The following TMEM143 variants were observed in gnomAD, a reference collection of about 807,000 sequenced individuals.
The protein encoded by TMEM143 is transmembrane protein 143.
In TMEM143, 45 loss-of-function variants were observed where a neutral mutation model predicts 40.3. The observed-to-expected ratio is 1.12, with a 90% CI of 0.88 to 1.43. The LOEUF is 1.43. TMEM143 is among the 40% of genes most tolerant of loss of function. The pLI is 0.00. For missense variants in TMEM143, 620 were observed against 613.4 expected, an observed-to-expected ratio of 1.01 and a Z score of -0.11; for synonymous variants, 299 against 282.7, an observed-to-expected ratio of 1.06 and a Z score of -0.58.
intron 6 of TMEM143, among the ~76,000 whole-genome samples, chr19:48,335,899 A>C (rs1324283437): frequency 6.6e-6 from 1 of 152,082 alleles, no homozygotes; most frequent in East Asian, 1.9e-4. Context: ...GTCTCAAAAA[A>C]AGAAAAAAGT....
intron 3 of TMEM143, among the ~76,000 whole-genome samples, chr19:48,347,574 T>TTTTA (rs1195271588): frequency 7.0e-6 from 1 of 142,856 alleles, no homozygotes; most frequent in Non-Finnish European, 1.5e-5. Context: ...TTTTTTTTTT[T>TTTTA]GAGACAGAGT....
At chr19:48,352,884 T>C (rs1212513526) in intron 3 of TMEM143, among the ~76,000 whole-genome samples, 1 of 152,112 alleles carries the variant, frequency 6.6e-6, no homozygotes, top group Non-Finnish European at 1.5e-5. Flanking sequence ...CCCAAAGTGT[T>C]AGAGTTACAG....
At position 48,342,526 on chromosome 19, in the gene TMEM143, T is replaced by C; in HGVS notation, c.975+4A>G. 6.2e-7 allele frequency: 1 copy of C among 1,602,250 alleles called. No homozygotes were observed. Among genetic ancestry groups the C allele is most frequent in the Non-Finnish European group, 8.5e-7 (1 of 1,176,046 alleles). On this transcript the variant is annotated splice_donor_region_variant and intron_variant, in intron 6 of 7. Transcript: ENST00000293261. ...CGCAGGAGGCGTGGCAGGCGCATGCTCACCTTGGAGGCCCGCAGGCCCATG... is the reference window on the plus strand; with the variant it reads ...CGCAGGAGGCGTGGCAGGCGCATGCCCACCTTGGAGGCCCGCAGGCCCATG...
chr19:48,357,634 G>A (rs1427539187), intron 3 of TMEM143, among the ~76,000 whole-genome samples: 1 of 152,040 alleles, frequency 6.6e-6, no homozygotes, highest in Non-Finnish European at 1.5e-5. Flanking sequence ...GGGATTACAG[G>A]CATGAGCCAC....
intron 3 of TMEM143, among the ~76,000 whole-genome samples, chr19:48,355,283 G>A (rs571841830): frequency 3.5e-4 from 53 of 151,966 alleles, no homozygotes; most frequent in South Asian, 4.2e-4. Flanking sequence ...CGCCTACCTC[G>A]GCCTCCCAAA....
chr19:48,355,110 G>GGGTTCAAGTGATTCTCAT (rs1969857356), intron 3 of TMEM143, among the ~76,000 whole-genome samples: 1 of 151,698 alleles, frequency 6.6e-6, no homozygotes, highest in South Asian at 2.1e-4. Flanking sequence ...TCCACCTCCC[G>GGGTTCAAGTGATTCTCAT]GGTTCAAGTG....
At chr19:48,334,297 C>CT in intron 6 of TMEM143, 100 bp from the exon 7 acceptor site, 1 of 1,336,000 alleles carries the variant, frequency 7.5e-7, no homozygotes. Flanking sequence ...ACGCCGCTTA[C>CT]TCCCCTGAGG....
chr19:48,349,631 G>A (rs1327017836), intron 3 of TMEM143, among the ~76,000 whole-genome samples: 1 of 151,982 alleles, frequency 6.6e-6, no homozygotes, highest in Admixed American at 6.6e-5. Context: ...GGACAACAGA[G>A]TGTGTCAGTG....
chr19:48,333,285 T>C lies in TMEM143; in HGVS notation c.1314A>G (p.Lys438=). The C allele has an allele frequency of 6.4e-7, 1 of 1,568,944 alleles. No homozygotes were observed. The highest frequency in any genetic ancestry group is 1.2e-5 in the South Asian group (1 of 86,830). ...MGLYPPPGFP[K]LDPVAPITSE... Reference sequence around the variant, plus strand: ...AAGTGATCGGAGCCACTGGGTCTAGTTTGGGGAAACCCGGGGGTGGGTACA... The same window carrying C: ...AAGTGATCGGAGCCACTGGGTCTAGCTTGGGGAAACCCGGGGGTGGGTACA... Residue 438 remains lysine (K), a synonymous_variant, in exon 8 of 8, where the codon AAA becomes AAG. Transcript: ENST00000293261. The surrounding 1 kb of genome is among the most constrained non-coding windows in gnomAD (Gnocchi z 4.1).
At chr19:48,343,277 C>G in intron 5 of TMEM143, 44 bp downstream of exon 5, 2 of 1,593,554 alleles carry the variant, frequency 1.3e-6, no homozygotes, top group Admixed American at 3.4e-5. Flanking sequence ...TTGACTCTAA[C>G]CTTGCTCCCT....
At chr19:48,335,808 C>T (rs1187872271) in intron 6 of TMEM143, among the ~76,000 whole-genome samples, 1 of 152,098 alleles carries the variant, frequency 6.6e-6, no homozygotes, top group Non-Finnish European at 1.5e-5. Context: ...GCAGGAGAAT[C>T]ACCTGAACCC....
Position 48,351,699 on chromosome 19 carries a change from G to A in TMEM143, c.370-6345C>T, listed in dbSNP as rs113389532. Reference sequence around the variant, plus strand: ...CACTGCTGCCCCAGGGCCTTTGCACGTGGAGTTCCCTCACATCTCCATAGG... The same window carrying A: ...CACTGCTGCCCCAGGGCCTTTGCACATGGAGTTCCCTCACATCTCCATAGG... On this transcript the variant is annotated intron_variant, in intron 3 of 7. Transcript: ENST00000293261. 9.5e-3 allele frequency among the ~76,000 whole-genome samples: 1,449 copies of A among 152,088 alleles called. 33 individuals are homozygous for A. Among genetic ancestry groups the A allele is most frequent in the African/African-American group, 0.033 (1,373 of 41,480 alleles).
At chr19:48,358,947 T>A (rs1303596984) in intron 3 of TMEM143, among the ~76,000 whole-genome samples, 4 of 152,136 alleles carry the variant, frequency 2.6e-5, no homozygotes, top group Non-Finnish European at 5.9e-5. Flanking sequence ...GGCGGGTGGA[T>A]CACTTGAGGT....
intron 3 of TMEM143, among the ~76,000 whole-genome samples, chr19:48,346,640 T>C (rs1349185656): frequency 6.6e-6 from 1 of 151,754 alleles, no homozygotes; most frequent in Non-Finnish European, 1.5e-5. Context: ...TGCAATGGCA[T>C]GATCTCAGCT....
chr19:48,333,500 G>A lies in TMEM143; in HGVS notation c.1166-67C>T. 1.7e-6 allele frequency: 2 copies of A among 1,153,446 alleles called. No individual in the cohort carries two copies. Among genetic ancestry groups the A allele is most frequent in the South Asian group, 2.8e-5 (2 of 70,596 alleles). 71.5% of individuals were successfully genotyped at this position (1,153,446 alleles called of 1,614,324 possible). On this transcript the variant is annotated intron_variant, in intron 7 of 7. Coordinates refer to ENST00000293261, the MANE Select transcript of TMEM143 (RefSeq NM_018273.4). This position sits in a 1 kb window ranked among gnomAD's most constrained non-coding sequence, Gnocchi z 4.1. ...CGGGGAAGATTCGAGGGAGCAGCAA[G>A]GAGGGGCGTAGGGCAAAGAACAGGA...
Position 48,333,155 on chromosome 19 carries a change from C to G in TMEM143, c.*64G>C. 8.0e-7 allele frequency: 1 copy of G among 1,246,104 alleles called. No homozygotes were observed. 77.2% of individuals were successfully genotyped at this position (1,246,104 alleles called of 1,614,324 possible). ...AAAGTATAATAACCGTAATTGACAG[C>G]CTGTCGTGAAGGAGGCGGGGCTTAG... On this transcript the variant is annotated 3_prime_UTR_variant, in exon 8 of 8. Transcript: ENST00000293261. The surrounding 1 kb of genome is among the most constrained non-coding windows in gnomAD (Gnocchi z 4.1).
At chr19:48,351,431 G>A (rs140110049) in intron 3 of TMEM143, among the ~76,000 whole-genome samples, 2 of 152,212 alleles carry the variant, frequency 1.3e-5, no homozygotes, top group East Asian at 3.9e-4. Flanking sequence ...CATCCCCAGT[G>A]GGTTCCCCAA....
chr19:48,342,473 G>A, intron 6 of TMEM143, 57 bp downstream of exon 6: 2 of 1,525,842 alleles, frequency 1.3e-6, no homozygotes, highest in Non-Finnish European at 1.8e-6. Flanking sequence ...ACTACAGGGG[G>A]CCTGACCTGG....
At chr19:48,358,254 C>T (rs1969954393) in intron 3 of TMEM143, among the ~76,000 whole-genome samples, 1 of 151,856 alleles carries the variant, frequency 6.6e-6, no homozygotes. Flanking sequence ...CGTACTGACA[C>T]ACGCCTGTAA....
Sources: allele counts gnomAD v4.1 joint callset (sites outside exome capture counted in the v4.1 genomes callset), GRCh38; gene constraint gnomAD v4.1.1; non-coding constraint Gnocchi (gnomAD v3.1); transcripts MANE v1.5; gene names NCBI Gene and HGNC (gene_info 2026-07-23, HGNC 2026-07-21).